TMEM178B: variants seen among roughly 807,000 people sequenced by gnomAD.
The protein encoded by TMEM178B is transmembrane protein 178B.
In TMEM178B, 5 loss-of-function variants were observed where a neutral mutation model predicts 31.0. The ratio of observed to expected loss-of-function variants is 0.16; its 90% confidence interval spans 0.08 to 0.34. TMEM178B has a LOEUF of 0.34. TMEM178B is among the 10% of genes least tolerant of loss of function. The pLI, the probability that TMEM178B is intolerant of heterozygous loss-of-function variation, is 1.00. For synonymous variants in TMEM178B, 164 were observed against 164.0 expected (o/e 1.00, Z 0.00); for missense variants, 275 against 400.3 (o/e 0.69, Z 2.67).
At chr7:141,122,852 A>G (rs1012258211) in intron 1 of TMEM178B, among the ~76,000 whole-genome samples, 4 of 152,234 alleles carry the variant, frequency 2.6e-5, no homozygotes, top group African/African-American at 9.6e-5. Context: ...AGCTATGAAG[A>G]TAACCATTAC....
chr7:141,145,542 G>A (rs1236050266), intron 1 of TMEM178B, among the ~76,000 whole-genome samples: 3 of 152,156 alleles, frequency 2.0e-5, no homozygotes, highest in Admixed American at 6.5e-5. Flanking sequence ...AAACCTGCCA[G>A]CATCATGGCT....
intron 2 of TMEM178B, 140 bp from the exon 3 acceptor site, chr7:141,437,468 T>C (rs905211692): frequency 1.4e-5 from 15 of 1,107,158 alleles, no homozygotes; most frequent in Non-Finnish European, 1.8e-5. Context: ...AAAGATTGTG[T>C]GCTCCTATCT....
In TMEM178B at chr7:141,104,621, C is replaced by A. The variant is rs183200358; in HGVS notation, c.382+29929C>A. Among the ~76,000 whole-genome samples the A allele has an allele frequency of 1.1e-4, 16 of 152,254 alleles. No individual in the cohort carries two copies. The South Asian group carries it at 1.5e-3, about 14-fold the overall frequency. On this transcript the variant is annotated intron_variant, in intron 1 of 3. Transcript: ENST00000565468. ...ATATTAGTTTGCTTGGACTGCTGTACCACAGACTGGGTGGCTTAAACACAA... is the reference window on the plus strand; with the variant it reads ...ATATTAGTTTGCTTGGACTGCTGTAACACAGACTGGGTGGCTTAAACACAA...
Position 141,171,977 on chromosome 7 carries a change from G to A in TMEM178B, c.383-40614G>A, listed in dbSNP as rs566444267. On this transcript the variant is annotated intron_variant, in intron 1 of 3. Coordinates refer to ENST00000565468, the MANE Select transcript of TMEM178B (RefSeq NM_001195278.2). This position sits in a 1 kb window ranked among gnomAD's most constrained non-coding sequence, Gnocchi z 4.3. ...TATTGTGTGCTAGTGCTGTGATTGC[G>A]ACCATTTATTGTGTACTTACTATGA... is the stretch of plus-strand genomic sequence containing the variant. Among the ~76,000 whole-genome samples the A allele has an allele frequency of 6.6e-6, 1 of 152,262 alleles. No individual in the cohort carries two copies. The highest frequency in any genetic ancestry group is 6.5e-5 in the Admixed American group (1 of 15,292).
At chr7:141,323,590 T>G (rs775560262) in intron 2 of TMEM178B, among the ~76,000 whole-genome samples, 1 of 152,218 alleles carries the variant, frequency 6.6e-6, no homozygotes, top group Non-Finnish European at 1.5e-5. Flanking sequence ...CCATTACATT[T>G]TGTTATTAAC....
At chr7:141,329,317 G>C (rs1334369594) in intron 2 of TMEM178B, among the ~76,000 whole-genome samples, 1 of 152,132 alleles carries the variant, frequency 6.6e-6, no homozygotes, top group Non-Finnish European at 1.5e-5. Flanking sequence ...AGCGTCCTGG[G>C]CACCCTCCTC....
chr7:141,219,823 G>A (rs985897933), intron 2 of TMEM178B, among the ~76,000 whole-genome samples: 1 of 152,112 alleles, frequency 6.6e-6, no homozygotes, highest in Admixed American at 6.5e-5. Context: ...CAGCTTTCCT[G>A]CCTGTCAAAA....
At chr7:141,415,545 G>A (rs1437251005) in intron 2 of TMEM178B, 6 of 152,716 alleles carry the variant, frequency 3.9e-5, no homozygotes, top group Non-Finnish European at 8.8e-5. Context: ...AAGAAGGGCA[G>A]AGTCAGAGCA....
At position 141,451,219 on chromosome 7, in the gene TMEM178B, G is replaced by A. The variant is rs138809098; in HGVS notation, c.634+13474G>A. ...AGACTCAAAAGTTCTGCAACCCTGG[G>A]CAGATTTCTCCTTTATACACCTCTG... On this transcript the variant is annotated intron_variant, in intron 3 of 3. Transcript: ENST00000565468. 2.5e-3 allele frequency among the ~76,000 whole-genome samples: 379 copies of A among 152,324 alleles called. 3 individuals carry two copies. Among genetic ancestry groups the A allele is most frequent in the African/African-American group, 8.8e-3 (365 of 41,570 alleles).
chr7:141,377,785 A>G (rs533693490), intron 2 of TMEM178B, among the ~76,000 whole-genome samples: 4 of 152,218 alleles, frequency 2.6e-5, no homozygotes, highest in Admixed American at 6.5e-5. Flanking sequence ...GAAGTTGAGT[A>G]CTTTTTAAAT....
At chr7:141,414,185 C>T (rs1801057037) in intron 2 of TMEM178B, among the ~76,000 whole-genome samples, 1 of 34,826 alleles carries the variant, frequency 2.9e-5, no homozygotes, top group Non-Finnish European at 5.0e-5. Flanking sequence ...CCCAGGTTCA[C>T]GCCATTCTCC....
intron 2 of TMEM178B, among the ~76,000 whole-genome samples, chr7:141,258,227 C>T (rs1044858975): frequency 6.7e-6 from 1 of 150,322 alleles, no homozygotes; most frequent in African/African-American, 2.4e-5. Flanking sequence ...TGTTATAAAC[C>T]CCCAGATATG....
At chr7:141,465,858 A>C (rs570321978) in intron 3 of TMEM178B, among the ~76,000 whole-genome samples, 15 of 152,204 alleles carry the variant, frequency 9.9e-5, no homozygotes, top group Admixed American at 9.8e-4. Flanking sequence ...CCCTGTCTCT[A>C]CAAAAAATTT....
At chr7:141,320,978 GT>G (rs1194948942) in intron 2 of TMEM178B, among the ~76,000 whole-genome samples, 2 of 152,132 alleles carry the variant, frequency 1.3e-5, no homozygotes, top group East Asian at 1.9e-4. Flanking sequence ...ATGTTTTTCA[GT>G]TTGTTTCCCA....
intron 2 of TMEM178B, among the ~76,000 whole-genome samples, chr7:141,215,777 C>CCTTCCTTCCTTCCTTT (rs1479407874): frequency 8.9e-6 from 1 of 112,042 alleles, no homozygotes; most frequent in East Asian, 3.0e-4. Context: ...TATATACTTT[C>CCTTCCTTCCTTCCTTT]CTTTCTTTCT....
chr7:141,496,846 G>T, the TMEM178B span, among the ~76,000 whole-genome samples: 1 of 152,100 alleles, frequency 6.6e-6, no homozygotes, highest in South Asian at 2.1e-4. Context: ...CTCTGTGTTT[G>T]ACCTATATAT....
At chr7:141,247,986 C>T (rs10230659) in intron 2 of TMEM178B, among the ~76,000 whole-genome samples, 5 of 151,650 alleles carry the variant, frequency 3.3e-5, no homozygotes, top group South Asian at 2.1e-4. Flanking sequence ...TCCCCTGTCA[C>T]GTGTCACTCA....
rs1186573727 is a variant in TMEM178B at position 141,475,517 on chromosome 7, A to G, written c.*4731A>G. ...CTCTGAGGCATCTACCGCGGGCCCA[A>G]TCCAAATGGTCATGACCTCAAAACT... On this transcript the variant is annotated 3_prime_UTR_variant, in exon 4 of 4. Transcript: ENST00000565468. 2 of 152,198 alleles carry G rather than the reference A, an allele frequency of 1.3e-5. No individual in the cohort carries two copies. Among genetic ancestry groups the G allele is most frequent in the African/African-American group, 4.8e-5 (2 of 41,464 alleles). The allele number at this position is 152,198 out of a possible 1,614,324, so 9.4% of individuals were successfully genotyped here. A position where few individuals can be genotyped will look rare whatever the true frequency, so the allele number is the denominator to read the frequency against.
At chr7:141,079,025 G>A (rs536244452) in intron 1 of TMEM178B, among the ~76,000 whole-genome samples, 27 of 152,320 alleles carry the variant, frequency 1.8e-4, no homozygotes, top group South Asian at 8.3e-4. Context: ...AGTGGTTCAC[G>A]CCTGTAATCC....
Sources: allele counts gnomAD v4.1 joint callset (sites outside exome capture counted in the v4.1 genomes callset), GRCh38; gene constraint gnomAD v4.1.1; non-coding constraint Gnocchi (gnomAD v3.1); transcripts MANE v1.5; gene names NCBI Gene and HGNC (gene_info 2026-07-23, HGNC 2026-07-21).